The following AIG1 variants were observed in gnomAD, a reference collection of about 807,000 sequenced individuals.
The protein encoded by AIG1 is androgen induced 1, also known as androgen-induced gene 1 protein.
A neutral mutation model predicts 31.4 loss-of-function variants in AIG1; 23 were observed. That is an observed-to-expected ratio of 0.73 (90% CI 0.53 to 1.04). The LOEUF (loss-of-function observed/expected upper bound fraction) is 1.04. AIG1 is among the 50% of genes least tolerant of loss of function. AIG1 has a pLI of 0.00. For synonymous variants in AIG1, 100 were observed against 110.5 expected (o/e 0.90, Z 0.60); for missense variants, 274 against 295.0 (o/e 0.93, Z 0.52).
chr6:143,267,126 T>G (rs1401279306), intron 3 of AIG1, among the ~76,000 whole-genome samples: 1 of 152,170 alleles, frequency 6.6e-6, no homozygotes, highest in African/African-American at 2.4e-5. Context: ...TTCAAACATC[T>G]TTGTTCAAAT....
chr6:143,071,627 A>G (rs945339988), intron 1 of AIG1, among the ~76,000 whole-genome samples: 3 of 151,436 alleles, frequency 2.0e-5, no homozygotes, highest in African/African-American at 7.3e-5. Flanking sequence ...AATTTTAGCC[A>G]TTTTAATTGG....
At chr6:143,183,906 A>G (rs1435366129) in intron 3 of AIG1, among the ~76,000 whole-genome samples, 2 of 152,188 alleles carry the variant, frequency 1.3e-5, no homozygotes, top group African/African-American at 4.8e-5. Flanking sequence ...TTCATTAGCC[A>G]CAGACCTGGT....
intron 1 of AIG1, among the ~76,000 whole-genome samples, chr6:143,078,259 T>G (rs375615686): frequency 6.6e-4 from 101 of 152,330 alleles, no homozygotes; most frequent in African/African-American, 2.2e-3. Flanking sequence ...ATTTCTATCT[T>G]TCATTCATTT....
At chr6:143,143,528 A>AAAAAAAAAAATATATATAT (rs1554249782) in intron 2 of AIG1, among the ~76,000 whole-genome samples, 1 of 27,792 alleles carries the variant, frequency 3.6e-5, no homozygotes, top group East Asian at 2.6e-3. Context: ...AAAAAAAAAA[A>AAAAAAAAAAATATATATAT]ATATATATAT....
At chr6:143,199,365 G>T (rs1006822972) in intron 3 of AIG1, among the ~76,000 whole-genome samples, 1 of 151,944 alleles carries the variant, frequency 6.6e-6, no homozygotes, top group Non-Finnish European at 1.5e-5. Context: ...AGCAAAAGAT[G>T]GGGGGGTGAT....
At position 143,329,901 on chromosome 6, in the gene AIG1, C is replaced by T. The variant is rs147015699; in HGVS notation, c.516-3381C>T. Among the ~76,000 whole-genome samples, 8 of 152,106 alleles carry T rather than the reference C, an allele frequency of 5.3e-5. No homozygotes were observed. The highest frequency in any genetic ancestry group is 1.3e-4 in the Admixed American group (2 of 15,272). ...AATGGCGGAGTTGAGTAGGTGTGAT[C>T]GAGACCATATGGGAATATTTACTAT... On this transcript the variant is annotated intron_variant, in intron 4 of 5. Coordinates refer to ENST00000357847, the MANE Select transcript of AIG1 (RefSeq NM_016108.4). The surrounding 1 kb of genome is among the most constrained non-coding windows in gnomAD (Gnocchi z 4.9).
chr6:143,129,091 A>G (rs1213787553), intron 1 of AIG1, among the ~76,000 whole-genome samples: 1 of 152,174 alleles, frequency 6.6e-6, no homozygotes, highest in East Asian at 1.9e-4. Flanking sequence ...AGAGATTGAG[A>G]CCATCCTGGC....
chr6:143,126,665 A>G (rs867554750), intron 1 of AIG1, among the ~76,000 whole-genome samples: 1 of 152,144 alleles, frequency 6.6e-6, no homozygotes, highest in Non-Finnish European at 1.5e-5. Context: ...CAAGAACTGC[A>G]TTGAAAGTTT....
chr6:143,181,026 C>G (rs537602044), intron 3 of AIG1, among the ~76,000 whole-genome samples: 2 of 152,280 alleles, frequency 1.3e-5, no homozygotes, highest in East Asian at 3.9e-4. Context: ...TGGTAGATAG[C>G]ATGACTTATG....
intron 3 of AIG1, among the ~76,000 whole-genome samples, chr6:143,221,090 G>A (rs1049525393): frequency 3.9e-5 from 6 of 152,000 alleles, no homozygotes; most frequent in Non-Finnish European, 7.4e-5. Context: ...TACCTGCCAC[G>A]GGTGCTTTAA....
chr6:143,219,211 A>T (rs1449852342), intron 3 of AIG1, among the ~76,000 whole-genome samples: 1 of 152,248 alleles, frequency 6.6e-6, no homozygotes, highest in Non-Finnish European at 1.5e-5. Context: ...CAGATGGGAA[A>T]CATTAAATCA....
chr6:143,206,653 T>G, intron 3 of AIG1, among the ~76,000 whole-genome samples: 1 of 152,216 alleles, frequency 6.6e-6, no homozygotes, highest in East Asian at 1.9e-4. Context: ...ACTTGTGAGA[T>G]CAGAAAGAAA....
intron 3 of AIG1, among the ~76,000 whole-genome samples, chr6:143,222,934 A>G (rs1380860013): frequency 1.3e-5 from 2 of 152,174 alleles, no homozygotes; most frequent in South Asian, 2.1e-4. Flanking sequence ...CTGACAAAAT[A>G]TTTACTTTGC....
In AIG1 at chr6:143,290,603, G is replaced by A. The variant is rs568527029; in HGVS notation, c.515+6378G>A. On this transcript the variant is annotated intron_variant, in intron 4 of 5. Coordinates refer to ENST00000357847, the MANE Select transcript of AIG1 (RefSeq NM_016108.4). ...CACCCAACTCCTGAGATCTTATCAGGAAGCTGTTGATCATGAGCTTTAGGT... is the reference window on the plus strand; with the variant it reads ...CACCCAACTCCTGAGATCTTATCAGAAAGCTGTTGATCATGAGCTTTAGGT... Among the ~76,000 whole-genome samples, 5 of 152,292 alleles carry A rather than the reference G, an allele frequency of 3.3e-5. No individual in the cohort carries two copies. The South Asian group carries it at 8.3e-4, about 25-fold the overall frequency.
chr6:143,088,707 A>G (rs924151598), intron 1 of AIG1, among the ~76,000 whole-genome samples: 4 of 152,192 alleles, frequency 2.6e-5, no homozygotes, highest in African/African-American at 4.8e-5. Context: ...GATTAAACCT[A>G]TCAGAAGTCA....
chr6:143,245,547 A>G (rs1296962266), intron 3 of AIG1, among the ~76,000 whole-genome samples: 2 of 152,236 alleles, frequency 1.3e-5, no homozygotes, highest in Non-Finnish European at 2.9e-5. Flanking sequence ...AAGAATAAAT[A>G]TTGCCCCTCC....
chr6:143,171,454 T>A (rs1385643190), intron 3 of AIG1, among the ~76,000 whole-genome samples: 1 of 56,128 alleles, frequency 1.8e-5, no homozygotes, highest in East Asian at 5.7e-3. Context: ...TATATATATT[T>A]AATATATATA....
At chr6:143,287,522 A>G (rs1035481349) in intron 4 of AIG1, among the ~76,000 whole-genome samples, 3 of 152,152 alleles carry the variant, frequency 2.0e-5, no homozygotes, top group Admixed American at 6.5e-5. Context: ...TGTGAAGAGT[A>G]ACTCTATGAA....
At chr6:143,194,408 T>C (rs893829765) in intron 3 of AIG1, among the ~76,000 whole-genome samples, 3 of 152,166 alleles carry the variant, frequency 2.0e-5, no homozygotes, top group Non-Finnish European at 2.9e-5. Flanking sequence ...GTAGGGGTTA[T>C]GGGGATTACA....
Sources: allele counts gnomAD v4.1 joint callset (sites outside exome capture counted in the v4.1 genomes callset), GRCh38; gene constraint gnomAD v4.1.1; non-coding constraint Gnocchi (gnomAD v3.1); transcripts MANE v1.5; gene names NCBI Gene and HGNC (gene_info 2026-07-23, HGNC 2026-07-21).